Variants in TBXAS1 observed in about 807,000 individuals in gnomAD.
TBXAS1 encodes the protein thromboxane A synthase 1.
A neutral mutation model predicts 60.7 loss-of-function variants in TBXAS1; 48 were observed. The ratio of observed to expected loss-of-function variants is 0.79; its 90% CI spans 0.63 to 1.01. TBXAS1 has a LOEUF of 1.01. Ranked by LOEUF, TBXAS1 falls within the 50% of genes least tolerant of loss-of-function variation. TBXAS1 has a pLI of 0.00. For synonymous variants in TBXAS1, 287 were observed against 269.7 expected (o/e 1.06, Z -0.63); for missense variants, 685 against 686.3 (o/e 1.00, Z 0.02).
chr7:139,833,206 G>A lies in TBXAS1; in HGVS notation c.89+3727G>A, dbSNP rs145816796. On this transcript the variant is annotated intron_variant, in intron 1 of 12. Transcript: ENST00000448866. ...CTTAAAAGATACAGAACTGCAGAAT[G>A]GATAAGAACTCACCAACCAACTATC... 1.2e-3 allele frequency among the ~76,000 whole-genome samples: 181 copies of A among 152,250 alleles called. 2 individuals are homozygous for A. The highest frequency in any genetic ancestry group is 4.2e-3 in the African/African-American group (173 of 41,534).
At chr7:139,886,599 T>C (rs1803132981) in intron 3 of TBXAS1, among the ~76,000 whole-genome samples, 1 of 152,160 alleles carries the variant, frequency 6.6e-6, no homozygotes, top group Non-Finnish European at 1.5e-5. Context: ...ACTACTGCAC[T>C]TCACAACAGA....
chr7:139,957,732 A>G lies in TBXAS1; in HGVS notation c.787A>G (p.Ile263Val). The stretch of plus-strand genomic sequence containing the variant: ...TTTTAACAAACTCATTAGGAATGTG[A>G]TTGCCTTGCGGGACCAGCAAGCTGC... ...GFFNKLIRNV[I>V]ALRDQQAAEE... The change falls in exon 8 of 13, where the codon ATT (isoleucine) becomes GTT (valine). Residue 263 changes from isoleucine to valine, a missense_variant. Physicochemically the swap from Ile to Val is conservative, Grantham distance 29. Coordinates refer to ENST00000448866, the MANE Select transcript of TBXAS1 (RefSeq NM_001061.7). The G allele has an allele frequency of 6.2e-7, 1 of 1,614,082 alleles. No homozygotes were observed.
At chr7:139,925,172 G>T (rs1042377030) in intron 4 of TBXAS1, among the ~76,000 whole-genome samples, 1 of 152,082 alleles carries the variant, frequency 6.6e-6, no homozygotes, top group African/African-American at 2.4e-5. Context: ...TTTTAGGATT[G>T]TTTTTTCTAT....
rs117632401 is a variant in TBXAS1 at position 139,891,359 on chromosome 7, T to G, written c.236+15722T>G. Among the ~76,000 whole-genome samples the G allele has an allele frequency of 8.5e-3, 1,285 of 152,048 alleles. 72 individuals carry two copies. Among genetic ancestry groups the G allele is most frequent in the Admixed American group, 0.066 (1,002 of 15,276 alleles). ...TGTGGATCATGTCCCTCCAATATAG[T>G]ATCTCCCATGGCCATCCCAATAACA... On this transcript the variant is annotated intron_variant, in intron 3 of 12. Coordinates refer to ENST00000448866, the MANE Select transcript of TBXAS1 (RefSeq NM_001061.7).
chr7:139,908,057 G>A (rs1342072072), intron 3 of TBXAS1, among the ~76,000 whole-genome samples: 1 of 151,848 alleles, frequency 6.6e-6, no homozygotes, highest in East Asian at 1.9e-4. Flanking sequence ...ATCTTTGTTA[G>A]TCTTGTTCGA....
At chr7:140,000,592 G>A (rs946452818) in intron 9 of TBXAS1, among the ~76,000 whole-genome samples, 2 of 152,154 alleles carry the variant, frequency 1.3e-5, no homozygotes, top group African/African-American at 4.8e-5. Flanking sequence ...AGAAGTTACT[G>A]CCCATTGAAA....
At chr7:139,881,963 A>G (rs1802733513) in intron 3 of TBXAS1, among the ~76,000 whole-genome samples, 1 of 152,238 alleles carries the variant, frequency 6.6e-6, no homozygotes, top group East Asian at 1.9e-4. Flanking sequence ...AGCATGTGGC[A>G]TCAGCAATCA....
At position 139,896,237 on chromosome 7, in the gene TBXAS1, T is replaced by C. The variant is rs1351376877; in HGVS notation, c.237-14988T>C. On this transcript the variant is annotated intron_variant, in intron 3 of 12. Transcript: ENST00000448866. The surrounding 1 kb of genome is among the most constrained non-coding windows in gnomAD (Gnocchi z 4.0). ...ATCAATAAACAGAGGGTGATGCAGG[T>C]CAGTAGAGGAAAGGACCAGGTGCCA... 1.3e-5 allele frequency among the ~76,000 whole-genome samples: 2 copies of C among 149,166 alleles called. No homozygotes were observed. The highest frequency in any genetic ancestry group is 3.9e-4 in the East Asian group (2 of 5,178).
intron 4 of TBXAS1, among the ~76,000 whole-genome samples, chr7:139,810,567 T>C (rs1265569369): frequency 6.6e-6 from 1 of 152,238 alleles, no homozygotes; most frequent in Non-Finnish European, 1.5e-5. Context: ...ACACAGACTC[T>C]AATTTCTAAG....
chr7:139,976,883 T>G (rs749129102), intron 9 of TBXAS1, among the ~76,000 whole-genome samples: 3 of 152,224 alleles, frequency 2.0e-5, no homozygotes, highest in Non-Finnish European at 4.4e-5. Flanking sequence ...CTGGAGCTGC[T>G]GTTTGCTTTT....
intron 1 of TBXAS1, among the ~76,000 whole-genome samples, chr7:139,858,684 A>G (rs967424435): frequency 6.6e-6 from 1 of 152,136 alleles, no homozygotes; most frequent in Non-Finnish European, 1.5e-5. Flanking sequence ...GTTTTGAACT[A>G]TCAGCTGAGC....
intron 1 of TBXAS1, among the ~76,000 whole-genome samples, chr7:139,845,223 C>A (rs570120099): frequency 1.3e-5 from 2 of 152,276 alleles, no homozygotes; most frequent in African/African-American, 4.8e-5. Flanking sequence ...CGGCTCACTG[C>A]TCCTCTGCAT....
chr7:139,924,200 T>C (rs1384976568), intron 4 of TBXAS1, among the ~76,000 whole-genome samples: 1 of 152,148 alleles, frequency 6.6e-6, no homozygotes, highest in Non-Finnish European at 1.5e-5. Context: ...CTATTTTTAG[T>C]TTTTTTAGTT....
chr7:139,819,146 C>G (rs1316275914), intron 4 of TBXAS1, among the ~76,000 whole-genome samples: 1 of 152,228 alleles, frequency 6.6e-6, no homozygotes, highest in African/African-American at 2.4e-5. Context: ...CCTGGGCTGG[C>G]TCCATTTCTC....
intron 1 of TBXAS1, among the ~76,000 whole-genome samples, chr7:139,856,723 G>T (rs1800608976): frequency 1.3e-5 from 2 of 152,122 alleles, no homozygotes; most frequent in Admixed American, 1.3e-4. Context: ...TGGAGTTTTC[G>T]AGCCTCTGAC....
intron 1 of TBXAS1, among the ~76,000 whole-genome samples, chr7:139,836,046 AT>A (rs1245625241): frequency 7.1e-6 from 1 of 141,772 alleles, no homozygotes; most frequent in Non-Finnish European, 1.5e-5. Context: ...AAATAAATAA[AT>A]AAATAAATAA....
intron 5 of TBXAS1, among the ~76,000 whole-genome samples, chr7:139,944,388 A>G (rs1279504095): frequency 6.6e-6 from 1 of 152,234 alleles, no homozygotes; most frequent in African/African-American, 2.4e-5. Flanking sequence ...CTGAAAAAGT[A>G]GGTTGAGGCA....
intron 9 of TBXAS1, among the ~76,000 whole-genome samples, chr7:139,967,839 A>G (rs943068504): frequency 3.9e-5 from 6 of 151,946 alleles, no homozygotes; most frequent in African/African-American, 1.5e-4. Flanking sequence ...AGAAGTTCCC[A>G]CCTCTCAATT....
chr7:139,922,099 CTTT>C (rs557582196), intron 4 of TBXAS1, among the ~76,000 whole-genome samples: 2 of 139,890 alleles, frequency 1.4e-5, no homozygotes, highest in African/African-American at 2.6e-5. Context: ...TTTTCTTTTT[CTTT>C]TTTTTTTTTT....
Sources: allele counts gnomAD v4.1 joint callset (sites outside exome capture counted in the v4.1 genomes callset), GRCh38; gene constraint gnomAD v4.1.1; non-coding constraint Gnocchi (gnomAD v3.1); transcripts MANE v1.5; gene names NCBI Gene and HGNC (gene_info 2026-07-23, HGNC 2026-07-21).